The following MAOA variants were observed in gnomAD, a reference collection of about 807,000 sequenced individuals.
MAOA encodes the protein amine oxidase [flavin-containing] A.
Under a neutral mutation model 42.0 loss-of-function variants are expected in MAOA, and 6 were observed. The ratio of observed to expected loss-of-function variants is 0.14; its 90% CI spans 0.08 to 0.28. The LOEUF (loss-of-function observed/expected upper bound fraction) is 0.28, where lower values mean the gene tolerates loss of function less well. MAOA is among the 10% of genes least tolerant of loss of function. The pLI is 1.00. For synonymous variants in MAOA, 140 were observed against 154.0 expected (o/e 0.91, Z 0.67); for missense variants, 262 against 422.3 (o/e 0.62, Z 3.33).
At chrX:43,686,909 T>G (rs1051024074) in intron 2 of MAOA, among the ~76,000 whole-genome samples, 1 of 111,939 alleles carries the variant, frequency 8.9e-6, no homozygotes, top group African/African-American at 3.2e-5. Flanking sequence ...ATTAGGATAA[T>G]TTTGGGAGGA....
chrX:43,661,051 A>T (rs2033229613), intron 1 of MAOA, among the ~76,000 whole-genome samples: 1 of 112,184 alleles, frequency 8.9e-6, no homozygotes, highest in Admixed American at 9.5e-5. Context: ...TCTTCTTAAC[A>T]GCACCTCGCT....
At chrX:43,743,689 T>A (rs1254646505) in intron 12 of MAOA, 105 bp from the exon 13 acceptor site, 1 of 968,041 alleles carries the variant, frequency 1.0e-6, no homozygotes, top group African/African-American at 1.9e-5. Context: ...TTTTAAACAG[T>A]CTGAATTTCT....
intron 6 of MAOA, among the ~76,000 whole-genome samples, 174 bp downstream of exon 6, chrX:43,728,488 C>T (rs1305466673): frequency 8.9e-6 from 1 of 112,511 alleles, no homozygotes; most frequent in Non-Finnish European, 1.9e-5. Flanking sequence ...TTTGTCACTC[C>T]TGAAAAGGAG....
Position 43,736,130 on chromosome X carries a change from G to T in MAOA, c.1053-97G>T. 2 of 599,698 alleles carry T rather than the reference G, an allele frequency of 3.3e-6. 1 individual carries two copies. The highest frequency in any genetic ancestry group is 4.8e-5 in the South Asian group (2 of 41,735). The allele number at this position is 599,698 out of a possible 1,213,427, so 49.4% of individuals were successfully genotyped here. A position where few individuals can be genotyped will look rare whatever the true frequency, so the allele number is the denominator to read the frequency against. On this transcript the variant is annotated intron_variant, in intron 9 of 14. Coordinates refer to ENST00000338702, the MANE Select transcript of MAOA (RefSeq NM_000240.4). ...GAGGGTCTGAGAGAGTTCATTTCAT[G>T]CTGAATAGCTACAGGTTAAGAATAC...
chrX:43,723,346 G>A (rs2033806543), intron 5 of MAOA, among the ~76,000 whole-genome samples: 1 of 111,306 alleles, frequency 9.0e-6, no homozygotes, highest in Non-Finnish European at 1.9e-5. Flanking sequence ...CCATTTGTTT[G>A]TGCCCTCTTT....
At chrX:43,732,357 C>T (rs1428843510) in intron 8 of MAOA, among the ~76,000 whole-genome samples, 1 of 111,532 alleles carries the variant, frequency 9.0e-6, no homozygotes. Flanking sequence ...CGGATTCCCT[C>T]CTCCCACCTC....
intron 1 of MAOA, among the ~76,000 whole-genome samples, chrX:43,678,984 A>G (rs995292329): frequency 1.8e-5 from 2 of 112,108 alleles, no homozygotes; most frequent in South Asian, 7.3e-4. Flanking sequence ...GCATCTTAGA[A>G]GAAATATGCT....
chrX:43,683,249 T>C (rs942384187), intron 1 of MAOA, among the ~76,000 whole-genome samples: 1 of 111,848 alleles, frequency 8.9e-6, no homozygotes, highest in African/African-American at 3.2e-5. Context: ...GAAAACAAGA[T>C]ATATATATTT....
intron 1 of MAOA, among the ~76,000 whole-genome samples, chrX:43,661,935 A>G (rs2033237010): frequency 9.0e-6 from 1 of 111,659 alleles, no homozygotes; most frequent in Non-Finnish European, 1.9e-5. Flanking sequence ...AGCAGGAATG[A>G]ATTTTTCTTA....
In MAOA at chrX:43,720,167, TG is replaced by T. The variant is rs777252303; in HGVS notation, c.503+7372del. 3.8e-4 allele frequency among the ~76,000 whole-genome samples: 42 copies of T among 110,241 alleles called. No individual in the cohort carries two copies. In the East Asian group the frequency reaches 0.011, roughly 29 times the overall value. On this transcript the variant is annotated intron_variant, in intron 5 of 14. Coordinates refer to ENST00000338702, the MANE Select transcript of MAOA (RefSeq NM_000240.4). Reference sequence around the variant, plus strand: ...GTGGCAATATGGTATCTTCCAGGAATGAACCACACAGGTGGTGACTGGGGGA... The same window carrying T: ...GTGGCAATATGGTATCTTCCAGGAATAACCACACAGGTGGTGACTGGGGGA...
At chrX:43,682,541 C>A in intron 1 of MAOA, among the ~76,000 whole-genome samples, 1 of 111,483 alleles carries the variant, frequency 9.0e-6, no homozygotes, top group Middle Eastern at 4.2e-3. Context: ...ATCTGCGAGT[C>A]CATATTGATA....
intron 1 of MAOA, among the ~76,000 whole-genome samples, chrX:43,670,617 T>G (rs1258243535): frequency 3.1e-4 from 21 of 68,017 alleles, no homozygotes; most frequent in Non-Finnish European, 5.1e-5. Context: ...CCCACAACAG[T>G]CCCCAGAGTG....
At chrX:43,740,889 G>C in intron 11 of MAOA, 151 bp downstream of exon 11, 1 of 497,853 alleles carries the variant, frequency 2.0e-6, no homozygotes, top group Non-Finnish European at 3.1e-6. Context: ...AGTCACAAAA[G>C]GTCATTAAAA....
intron 10 of MAOA, among the ~76,000 whole-genome samples, chrX:43,737,732 A>G (rs2033930592): frequency 8.9e-6 from 1 of 112,077 alleles, no homozygotes; most frequent in African/African-American, 3.2e-5. Context: ...CTTGGAGGTT[A>G]AGTTCCAACA....
At chrX:43,670,536 T>C (rs2147073848) in intron 1 of MAOA, among the ~76,000 whole-genome samples, 1 of 105,178 alleles carries the variant, frequency 9.5e-6, no homozygotes, top group Admixed American at 1.0e-4. Flanking sequence ...CATGCTGGTG[T>C]GCTGCACCCA....
chrX:43,703,435 A>G (rs1472669988), intron 3 of MAOA, among the ~76,000 whole-genome samples: 1 of 112,153 alleles, frequency 8.9e-6, no homozygotes, highest in Non-Finnish European at 1.9e-5. Context: ...TATACAAGCA[A>G]TTTCCTTCCT....
In MAOA at chrX:43,719,173, A is replaced by G. The variant is rs952680547; in HGVS notation, c.503+6377A>G. 2.7e-5 allele frequency among the ~76,000 whole-genome samples: 3 copies of G among 110,766 alleles called. No homozygotes were observed. In the Admixed American group the frequency reaches 2.9e-4, roughly 11 times the overall value. On this transcript the variant is annotated intron_variant, in intron 5 of 14. Transcript: ENST00000338702. ...TATCTTTCAGGAATGTGGTATAGTC[A>G]CTGTGGGGAAACAGGGAAGGCTAGA...
chrX:43,689,858 A>C (rs952594302), intron 2 of MAOA, among the ~76,000 whole-genome samples: 7 of 111,235 alleles, frequency 6.3e-5, no homozygotes, highest in Admixed American at 1.9e-4. Flanking sequence ...ACAGGTAACA[A>C]ATTCTACTTA....
chrX:43,731,990 C>T (rs772293367), intron 8 of MAOA, 137 bp downstream of exon 8: 11 of 613,904 alleles, frequency 1.8e-5, no homozygotes, highest in Non-Finnish European at 2.8e-5. Flanking sequence ...CTTGGTCTGT[C>T]AATTTCCTCA....
Sources: allele counts gnomAD v4.1 joint callset (sites outside exome capture counted in the v4.1 genomes callset), GRCh38; gene constraint gnomAD v4.1.1; transcripts MANE v1.5; gene names NCBI Gene and HGNC (gene_info 2026-07-23, HGNC 2026-07-21).